The following HDAC5 variants were observed in gnomAD, a reference collection of about 807,000 sequenced individuals.
HDAC5 encodes the protein antigen NY-CO-9.
Under a neutral mutation model 133.3 loss-of-function variants are expected in HDAC5, and 25 were observed. The observed-to-expected ratio is 0.19, with a 90% CI of 0.14 to 0.26. The LOEUF (loss-of-function observed/expected upper bound fraction) is 0.26, where lower values mean the gene tolerates loss of function less well. Among genes scored for constraint, HDAC5 ranks in the 10% least tolerant of loss-of-function variants. HDAC5 has a pLI of 1.00. For synonymous variants in HDAC5, 589 were observed against 610.8 expected, an observed-to-expected ratio of 0.96 and a Z score of 0.53; for missense variants, 1,041 against 1,460.5, an observed-to-expected ratio of 0.71 and a Z score of 4.68.
At position 44,112,130 on chromosome 17, in the gene HDAC5, C is replaced by T. The variant is rs574123473; in HGVS notation, c.23-1330G>A. 9.2e-5 allele frequency among the ~76,000 whole-genome samples: 14 copies of T among 152,290 alleles called. No homozygotes were observed. The East Asian group carries it at 2.7e-3, about 29-fold the overall frequency. On this transcript the variant is annotated intron_variant, in intron 2 of 26. Coordinates refer to ENST00000682912, the MANE Select transcript of HDAC5 (RefSeq NM_005474.5). ...TCAAGTCTGAGCTCTAACCACCACA[C>T]TCCACTGCCTCCCATTTCCCAGGGT...
chr17:44,121,072 A>G (rs1256060324), intron 1 of HDAC5, among the ~76,000 whole-genome samples: 2 of 147,772 alleles, frequency 1.4e-5, no homozygotes, highest in African/African-American at 4.9e-5. Context: ...GCATCTGCAC[A>G]AGCCAGATGG....
chr17:44,078,627 G>A lies in HDAC5; in HGVS notation c.3202C>T (p.Leu1068=), dbSNP rs1402640035. 5 of 1,606,500 alleles carry A rather than the reference G, an allele frequency of 3.1e-6. No homozygotes were observed. The highest frequency in any genetic ancestry group is 4.2e-6 in the Non-Finnish European group (5 of 1,179,686). The change falls in exon 26 of 27, where the codon CTG becomes TTG. Residue 1068 remains leucine (L), a synonymous_variant. Coordinates refer to ENST00000682912, the MANE Select transcript of HDAC5 (RefSeq NM_005474.5). ...TGGGCCTCTCGCAGGGACCGGCCCA[G>A]ACCAGCGGCGAACTTCTGCACACAG... ...WSCVQKFAAG[L]GRSLREAQAG... is the part of the protein sequence containing the mutation.
intron 12 of HDAC5, 37 bp from the exon 13 acceptor site, chr17:44,087,733 T>C: frequency 6.5e-7 from 1 of 1,531,970 alleles, no homozygotes. Flanking sequence ...AGCTGGGAGT[T>C]GGGGAGCAGC....
intron 14 of HDAC5, 165 bp from the exon 15 acceptor site, chr17:44,085,320 C>T: frequency 1.9e-6 from 1 of 515,578 alleles, no homozygotes; most frequent in South Asian, 4.8e-5. Context: ...CCCCTCTCCT[C>T]TCCAGCTTTT....
chr17:44,088,594 T>G lies in HDAC5; in HGVS notation c.1392A>C (p.Pro464=). 1 of 1,611,862 alleles carries G rather than the reference T, an allele frequency of 6.2e-7. No individual in the cohort carries two copies. Among genetic ancestry groups the G allele is most frequent in the Non-Finnish European group, 8.5e-7 (1 of 1,179,050 alleles). The change falls in exon 12 of 27, where the codon CCA becomes CCC. Residue 464 remains proline, a synonymous_variant. Transcript: ENST00000682912. The part of the protein sequence containing the change: ...ARQQSTLIAV[P]LHGQSPLVTG... ...TCACTAGTGGGGACTGCCCGTGGAG[T>G]GGCACTACGGAGTTGGGGGTGATGA...
chr17:44,100,979 C>T (rs949902397), intron 3 of HDAC5, among the ~76,000 whole-genome samples: 5 of 148,818 alleles, frequency 3.4e-5, no homozygotes, highest in African/African-American at 4.9e-5. Context: ...TAGGTAGAGA[C>T]GGGGTTTCAC....
intron 20 of HDAC5, 69 bp downstream of exon 20, chr17:44,082,516 A>T: frequency 8.0e-7 from 1 of 1,246,998 alleles, no homozygotes; most frequent in Non-Finnish European, 1.2e-6. Flanking sequence ...GGGGGAGGAG[A>T]CTTCCTGAAG....
rs2143292457 is a variant in HDAC5, at chr17:44,093,575, C to T, written c.354G>A (p.Lys118=). ...GGCCCCCCGCACCCCCCTCGCTCACCTTGAGGTGCTTCTGCAGCTGGACCT... is the reference window on the plus strand; with the variant it reads ...GGCCCCCCGCACCCCCCTCGCTCACTTTGAGGTGCTTCTGCAGCTGGACCT... ...QHEVQLQKHL[K]QQQEMLAAKQ... The change falls in exon 4 of 27, where the codon AAG becomes AAA. Residue 118 remains lysine (K), a splice_region_variant and synonymous_variant. Transcript: ENST00000682912. The T allele has an allele frequency of 1.9e-6, 3 of 1,606,692 alleles. No homozygotes were observed. Among genetic ancestry groups the T allele is most frequent in the East Asian group, 2.2e-5 (1 of 44,794 alleles).
At chr17:44,094,287 G>A (rs914108246) in intron 3 of HDAC5, among the ~76,000 whole-genome samples, 1 of 151,314 alleles carries the variant, frequency 6.6e-6, no homozygotes, top group African/African-American at 2.4e-5. Flanking sequence ...TCATGCAACT[G>A]CACTCTAGCC....
At chr17:44,116,335 A>G (rs925679085) in intron 2 of HDAC5, among the ~76,000 whole-genome samples, 2 of 152,228 alleles carry the variant, frequency 1.3e-5, no homozygotes, top group Non-Finnish European at 2.9e-5. Flanking sequence ...GGGGCAAGCA[A>G]GAGGGCAGAG....
chr17:44,092,882 C>A, intron 6 of HDAC5, 76 bp from the exon 7 acceptor site: 1 of 669,452 alleles, frequency 1.5e-6, no homozygotes, highest in South Asian at 2.2e-5. Flanking sequence ...ACCTGGCAAT[C>A]TACATTTATG....
chr17:44,101,913 A>G (rs2523162), intron 3 of HDAC5, among the ~76,000 whole-genome samples: 115,481 of 152,064 alleles, frequency 0.76, 44,229 homozygotes, highest in South Asian at 0.92. Flanking sequence ...AGGATGTACA[A>G]GGGCTGGTGT....
chr17:44,087,020 G>A (rs183373486), intron 13 of HDAC5, among the ~76,000 whole-genome samples: 2 of 151,528 alleles, frequency 1.3e-5, no homozygotes, highest in African/African-American at 2.4e-5. Context: ...AGTCAGGCCC[G>A]GAGGGCTCGG....
intron 3 of HDAC5, among the ~76,000 whole-genome samples, chr17:44,106,318 T>C (rs969167060): frequency 2.0e-5 from 3 of 152,152 alleles, no homozygotes; most frequent in Non-Finnish European, 4.4e-5. Context: ...CAAGTGGTCC[T>C]CAGTATTTAC....
chr17:44,095,832 A>G (rs2051237955), intron 3 of HDAC5, among the ~76,000 whole-genome samples: 1 of 151,954 alleles, frequency 6.6e-6, no homozygotes, highest in Non-Finnish European at 1.5e-5. Flanking sequence ...TTCGGCAGAG[A>G]TCTCAGAACT....
At chr17:44,099,291 C>T (rs1030172637) in intron 3 of HDAC5, among the ~76,000 whole-genome samples, 2 of 151,878 alleles carry the variant, frequency 1.3e-5, no homozygotes, top group East Asian at 1.9e-4. Context: ...TTGGGCCCCC[C>T]GCACCCAGCT....
intron 13 of HDAC5, 161 bp from the exon 14 acceptor site, chr17:44,086,898 A>C: frequency 2.7e-6 from 1 of 365,176 alleles, no homozygotes; most frequent in Non-Finnish European, 4.7e-6. Flanking sequence ...CAGGAGACAC[A>C]TCTCCTCTGA....
rs759178821 is a variant in HDAC5 at position 44,078,762 on chromosome 17, G to A, written c.3163+33C>T. 16 of 1,612,004 alleles carry A rather than the reference G, an allele frequency of 9.9e-6. No individual in the cohort carries two copies. In the Middle Eastern group the frequency reaches 9.9e-4, roughly 99 times the overall value. On this transcript the variant is annotated intron_variant, in intron 25 of 26. Transcript: ENST00000682912. ...CTCCCACAAGCTCCGTGCCCCCTTG[G>A]CAGCCTGAGCCCCTCTACGTGTCCT...
chr17:44,105,420 G>C (rs1282314898), intron 3 of HDAC5, among the ~76,000 whole-genome samples: 1 of 152,212 alleles, frequency 6.6e-6, no homozygotes, highest in Non-Finnish European at 1.5e-5. Context: ...ACATTTCCCA[G>C]TCCAGCCATT....
Sources: allele counts gnomAD v4.1 joint callset (sites outside exome capture counted in the v4.1 genomes callset), GRCh38; gene constraint gnomAD v4.1.1; transcripts MANE v1.5; gene names NCBI Gene and HGNC (gene_info 2026-07-23, HGNC 2026-07-21).